PTPN20: variants seen among roughly 807,000 people sequenced by gnomAD.
PTPN20 encodes the protein protein tyrosine phosphatase non-receptor type 20.
Under a neutral mutation model 35.0 loss-of-function variants are expected in PTPN20, and 9 were observed. That is an observed-to-expected ratio of 0.26 (90% confidence interval 0.15 to 0.45). The LOEUF (loss-of-function observed/expected upper bound fraction) is 0.45, where lower values mean the gene tolerates loss of function less well. Ranked by LOEUF, PTPN20 falls within the 20% of genes least tolerant of loss-of-function variation. The pLI is 1.00. For synonymous variants in PTPN20, 32 were observed against 100.2 expected (o/e 0.32, Z 4.06); for missense variants, 111 against 312.5 (o/e 0.36, Z 4.86).
chr10:46,968,439 C>G (rs1436781761), intron 7 of PTPN20, among the ~76,000 whole-genome samples: 1 of 150,834 alleles, frequency 6.6e-6, no homozygotes, highest in Non-Finnish European at 1.5e-5. Context: ...CTATTTGCAT[C>G]CTTCATCCTG....
At chr10:46,947,192 C>T (rs1209232257) in intron 5 of PTPN20, among the ~76,000 whole-genome samples, 3 of 138,724 alleles carry the variant, frequency 2.2e-5, no homozygotes, top group Admixed American at 1.5e-4. Context: ...TGAATATATA[C>T]TTAACATATA....
At chr10:47,000,600 C>T (rs982012547) in intron 10 of PTPN20, 76 bp from the exon 11 acceptor site, 3 of 1,568,162 alleles carry the variant, frequency 1.9e-6, no homozygotes, top group Non-Finnish European at 2.6e-6. Context: ...CTGAAAATTA[C>T]AAATGTGTTT....
chr10:46,954,085 GT>G (rs782056216), intron 5 of PTPN20, among the ~76,000 whole-genome samples: 804 of 75,672 alleles, frequency 0.011, 166 homozygotes, highest in African/African-American at 0.047. Context: ...TTAGTTTTTA[GT>G]TTTTTTTTTT....
chr10:46,953,239 A>T (rs1555148265), intron 5 of PTPN20, among the ~76,000 whole-genome samples: 1 of 144,406 alleles, frequency 6.9e-6, no homozygotes. Flanking sequence ...GGGCCTTTTA[A>T]ATATATTTTT....
chr10:46,957,544 C>G (rs2048758105), intron 5 of PTPN20, among the ~76,000 whole-genome samples: 1 of 152,058 alleles, frequency 6.6e-6, no homozygotes, highest in South Asian at 2.1e-4. Flanking sequence ...CACGACCACC[C>G]TAGGCAACAT....
At chr10:46,999,555 T>C (rs2059741322) in intron 9 of PTPN20, among the ~76,000 whole-genome samples, 1 of 152,186 alleles carries the variant, frequency 6.6e-6, no homozygotes, top group Non-Finnish European at 1.5e-5. Flanking sequence ...GATCTTCATA[T>C]AAGAAACAGA....
intron 9 of PTPN20, among the ~76,000 whole-genome samples, chr10:46,994,528 G>T (rs1306692440): frequency 6.6e-6 from 1 of 151,702 alleles, no homozygotes; most frequent in Non-Finnish European, 1.5e-5. Flanking sequence ...TAGAGACGGG[G>T]TTTCACCGTG....
intron 1 of PTPN20, among the ~76,000 whole-genome samples, chr10:46,925,540 T>C (rs1460578353): frequency 3.8e-5 from 5 of 132,592 alleles, no homozygotes; most frequent in Non-Finnish European, 8.0e-5. Context: ...TTTTTTTTTT[T>C]CCAGGCTGCA....
intron 5 of PTPN20, among the ~76,000 whole-genome samples, chr10:46,952,879 C>G (rs1367771057): frequency 6.6e-6 from 1 of 150,466 alleles, no homozygotes; most frequent in Non-Finnish European, 1.5e-5. Context: ...ATCCCCCTTT[C>G]CCTGATGATT....
Position 47,000,914 on chromosome 10 carries a change from G to T in PTPN20, c.*173G>T. 1.3e-6 allele frequency: 1 copy of T among 749,954 alleles called. No individual in the cohort carries two copies. Among genetic ancestry groups the T allele is most frequent in the Non-Finnish European group, 2.3e-6 (1 of 430,354 alleles). 46.5% of individuals were successfully genotyped at this position (749,954 alleles called of 1,614,324 possible). A position where few individuals can be genotyped will look rare whatever the true frequency, so the allele number is the denominator to read the frequency against. Reference sequence around the variant, plus strand: ...TGAAGGGCAATATCATTTGGCTTGGGGTGATCAGTGTTTACTTATTGATCT... The same window carrying T: ...TGAAGGGCAATATCATTTGGCTTGGTGTGATCAGTGTTTACTTATTGATCT... On this transcript the variant is annotated 3_prime_UTR_variant, in exon 11 of 11. Coordinates refer to ENST00000374339, the MANE Select transcript of PTPN20 (RefSeq NM_001042357.5).
intron 7 of PTPN20, chr10:46,981,264 A>G (rs1307190577): frequency 1.4e-5 from 2 of 142,252 alleles, no homozygotes; most frequent in African/African-American, 5.4e-5. Context: ...CTCTATGAAT[A>G]TCAGCTAGAC....
At chr10:46,968,564 C>A in intron 7 of PTPN20, among the ~76,000 whole-genome samples, 1 of 152,326 alleles carries the variant, frequency 6.6e-6, no homozygotes, top group East Asian at 1.9e-4. Flanking sequence ...CTTCTGTCCT[C>A]CTCACTCAGT....
intron 1 of PTPN20, among the ~76,000 whole-genome samples, chr10:46,928,179 G>C (rs1402330603): frequency 6.6e-6 from 1 of 151,796 alleles, no homozygotes; most frequent in Non-Finnish European, 1.5e-5. Flanking sequence ...TGTTGATATA[G>C]GGTCTCAGTG....
chr10:46,948,092 A>G (rs1483541535), intron 5 of PTPN20: 1 of 366,872 alleles, frequency 2.7e-6, no homozygotes, highest in East Asian at 7.5e-5. Context: ...TATTTCAGTT[A>G]GGTAATTTCT....
intron 4 of PTPN20, among the ~76,000 whole-genome samples, chr10:46,945,439 G>A (rs1483644358): frequency 2.0e-5 from 3 of 152,158 alleles, no homozygotes; most frequent in Non-Finnish European, 4.4e-5. Flanking sequence ...TCTTACAGAA[G>A]TAAAAGAAAA....
intron 9 of PTPN20, among the ~76,000 whole-genome samples, chr10:46,994,998 C>T (rs1298632672): frequency 1.3e-5 from 2 of 152,114 alleles, no homozygotes; most frequent in Non-Finnish European, 2.9e-5. Context: ...TTAAGTTTGT[C>T]TAATAAATTT....
chr10:46,999,768 A>C (rs2059775406), intron 9 of PTPN20, 144 bp from the exon 10 acceptor site: 1 of 951,316 alleles, frequency 1.1e-6, no homozygotes, highest in African/African-American at 1.6e-5. Context: ...CATTGGGCTA[A>C]GTTAAAAATA....
intron 7 of PTPN20, among the ~76,000 whole-genome samples, chr10:46,976,034 C>G (rs1221491652): frequency 8.7e-5 from 13 of 149,040 alleles, no homozygotes; most frequent in Admixed American, 6.7e-5. Flanking sequence ...ACCTCAAACT[C>G]CTGAGCTCAA....
At chr10:46,937,747 ATAGT>A (rs2042128478) in intron 2 of PTPN20, among the ~76,000 whole-genome samples, 1 of 152,030 alleles carries the variant, frequency 6.6e-6, no homozygotes, top group Admixed American at 6.6e-5. Context: ...AAAATTTATA[ATAGT>A]TAAAAGTTCT....
Sources: allele counts gnomAD v4.1 joint callset (sites outside exome capture counted in the v4.1 genomes callset), GRCh38; gene constraint gnomAD v4.1.1; transcripts MANE v1.5; gene names NCBI Gene and HGNC (gene_info 2026-07-23, HGNC 2026-07-21).